The following SCML2 variants were observed in gnomAD, a reference collection of about 807,000 sequenced individuals.
SCML2 encodes sex comb on midleg-like protein 2.
SCML2 carries 6 observed loss-of-function variants against 48.4 expected under a neutral mutation model. The ratio of observed to expected loss-of-function variants is 0.12; its 90% CI spans 0.07 to 0.24. The LOEUF (loss-of-function observed/expected upper bound fraction) is 0.24. Among genes scored for constraint, SCML2 ranks in the 10% least tolerant of loss-of-function variants. The pLI is 1.00. For synonymous variants in SCML2, 181 were observed against 189.5 expected (o/e 0.95, Z 0.37); for missense variants, 377 against 528.2 (o/e 0.71, Z 2.81).
intron 7 of SCML2, among the ~76,000 whole-genome samples, chrX:18,281,736 C>T (rs1927862711): frequency 2.0e-5 from 2 of 102,554 alleles, no homozygotes; most frequent in African/African-American, 7.1e-5. Flanking sequence ...AAAAATCCAA[C>T]TTGGCACCTA....
intron 7 of SCML2, among the ~76,000 whole-genome samples, chrX:18,281,842 G>T (rs1437257433): frequency 9.0e-6 from 1 of 110,976 alleles, no homozygotes; most frequent in Non-Finnish European, 1.9e-5. Flanking sequence ...GTGAGACATA[G>T]GCTGGGCGCT....
chrX:18,328,895 G>A lies in SCML2; in HGVS notation c.91+1692C>T, dbSNP rs747806790. Among the ~76,000 whole-genome samples the A allele has an allele frequency of 1.7e-3, 185 of 111,978 alleles. 1 individual carries two copies. The highest frequency in any genetic ancestry group is 2.9e-3 in the Non-Finnish European group (156 of 53,236). On this transcript the variant is annotated intron_variant, in intron 3 of 14. Transcript: ENST00000251900. The stretch of plus-strand genomic sequence containing the variant: ...GGCCCAGGCCTGAGAAGTATCTGCA[G>A]ATGGCTATCAACTTAAGTAATCTAT...
chrX:18,241,200 A>G lies in SCML2; in HGVS notation c.*51T>C. On this transcript the variant is annotated 3_prime_UTR_variant, in exon 15 of 15. Coordinates refer to ENST00000251900, the MANE Select transcript of SCML2 (RefSeq NM_006089.3). ...CTAAGAGAAATACTTTTAAATTAAA[A>G]TGTTAACAGTACACCTGAGAATTAT... 9.7e-7 allele frequency: 1 copy of G among 1,034,194 alleles called. No individual in the cohort carries two copies. The highest frequency in any genetic ancestry group is 1.3e-6 in the Non-Finnish European group (1 of 776,526). The allele number at this position is 1,034,194 out of a possible 1,213,427, so 85.2% of individuals were successfully genotyped here.
At chrX:18,249,701 G>A (rs750348687) in intron 11 of SCML2, among the ~76,000 whole-genome samples, 14 of 111,272 alleles carry the variant, frequency 1.3e-4, no homozygotes, top group Non-Finnish European at 2.1e-4. Flanking sequence ...GAATCTAGAC[G>A]GTTCACATGC....
Position 18,241,135 on chromosome X carries a change from T to C in SCML2, c.*116A>G. 1 of 683,622 alleles carries C rather than the reference T, an allele frequency of 1.5e-6. No homozygotes were observed. Among genetic ancestry groups the C allele is most frequent in the Non-Finnish European group, 2.0e-6 (1 of 491,758 alleles). 56.3% of individuals were successfully genotyped at this position (683,622 alleles called of 1,213,427 possible). ...TGTTACTACAGTTCTGCAATTCTGA[T>C]AAAATATTTTTATGGGAACTGTCTA... On this transcript the variant is annotated 3_prime_UTR_variant, in exon 15 of 15. Coordinates refer to ENST00000251900, the MANE Select transcript of SCML2 (RefSeq NM_006089.3).
chrX:18,290,252 G>C (rs1012773991), intron 7 of SCML2, among the ~76,000 whole-genome samples: 7 of 111,863 alleles, frequency 6.3e-5, no homozygotes, highest in Non-Finnish European at 1.9e-5. Flanking sequence ...GATGTAGGGG[G>C]ACAGAAGACC....
At chrX:18,335,116 T>C (rs1005100091) in intron 1 of SCML2, among the ~76,000 whole-genome samples, 1 of 111,202 alleles carries the variant, frequency 9.0e-6, no homozygotes, top group African/African-American at 3.3e-5. Context: ...GGGTGTTGAA[T>C]CCACACAGAT....
chrX:18,286,199 C>A (rs1465972995), intron 7 of SCML2, among the ~76,000 whole-genome samples: 1 of 110,631 alleles, frequency 9.0e-6, no homozygotes, highest in African/African-American at 3.3e-5. Flanking sequence ...AAAATGTCCC[C>A]AAAAAAACAA....
chrX:18,270,818 AAC>A (rs1463279128), intron 7 of SCML2, among the ~76,000 whole-genome samples: 1 of 111,415 alleles, frequency 9.0e-6, no homozygotes, highest in Admixed American at 9.5e-5. Context: ...TATGTATATG[AAC>A]ACACAAACTT....
intron 13 of SCML2, among the ~76,000 whole-genome samples, chrX:18,244,397 G>A (rs931822507): frequency 1.2e-4 from 13 of 111,897 alleles, no homozygotes; most frequent in Admixed American, 9.5e-5. Flanking sequence ...GTACATTTAT[G>A]TTTTGAATAA....
chrX:18,266,323 T>A (rs1355475082), intron 7 of SCML2, among the ~76,000 whole-genome samples: 1 of 111,676 alleles, frequency 9.0e-6, no homozygotes, highest in Non-Finnish European at 1.9e-5. Context: ...AAGGTTGATA[T>A]ACATTATGTC....
At chrX:18,276,955 G>A (rs1385524396) in intron 7 of SCML2, among the ~76,000 whole-genome samples, 1 of 109,656 alleles carries the variant, frequency 9.1e-6, no homozygotes, top group Non-Finnish European at 1.9e-5. Context: ...CTCTTGAATT[G>A]TTCGTTTTAA....
At chrX:18,246,309 T>C (rs1463228286) in intron 13 of SCML2, among the ~76,000 whole-genome samples, 1 of 111,695 alleles carries the variant, frequency 9.0e-6, no homozygotes, top group Non-Finnish European at 1.9e-5. Context: ...CCCAAGGAAA[T>C]GATAAATTAC....
At chrX:18,326,289 G>A (rs1929477637) in intron 3 of SCML2, among the ~76,000 whole-genome samples, 2 of 112,097 alleles carry the variant, frequency 1.8e-5, no homozygotes, top group Non-Finnish European at 3.8e-5. Flanking sequence ...CTAAGAGACC[G>A]TTTCATCTAA....
chrX:18,345,984 C>T (rs1334420147), intron 1 of SCML2, among the ~76,000 whole-genome samples: 1 of 108,732 alleles, frequency 9.2e-6, no homozygotes, highest in African/African-American at 3.4e-5. Context: ...ATACTGGTCT[C>T]AAACTCCTGA....
At chrX:18,251,687 G>A (rs1457156528) in intron 11 of SCML2, among the ~76,000 whole-genome samples, 1 of 112,171 alleles carries the variant, frequency 8.9e-6, no homozygotes, top group Non-Finnish European at 1.9e-5. Context: ...TGATGAAAAT[G>A]TAAAATGGTA....
intron 7 of SCML2, among the ~76,000 whole-genome samples, chrX:18,266,225 C>T (rs185820106): frequency 1.2e-3 from 132 of 111,658 alleles, no homozygotes; most frequent in African/African-American, 4.1e-3. Flanking sequence ...AGGGCTCCTG[C>T]TTCATGTTTC....
intron 13 of SCML2, among the ~76,000 whole-genome samples, chrX:18,243,292 C>T (rs185806174): frequency 1.1e-3 from 120 of 111,441 alleles, no homozygotes; most frequent in African/African-American, 3.4e-3. Flanking sequence ...AGGCTGGTCT[C>T]AAACTCCTGG....
intron 7 of SCML2, among the ~76,000 whole-genome samples, chrX:18,301,702 G>A (rs1928597312): frequency 9.0e-6 from 1 of 110,824 alleles, no homozygotes; most frequent in Non-Finnish European, 1.9e-5. Flanking sequence ...GCTTGCACCT[G>A]GAGAGTTGAA....
Sources: allele counts gnomAD v4.1 joint callset (sites outside exome capture counted in the v4.1 genomes callset), GRCh38; gene constraint gnomAD v4.1.1; transcripts MANE v1.5; gene names NCBI Gene and HGNC (gene_info 2026-07-23, HGNC 2026-07-21).